The following PIEZO2 variants were observed in gnomAD, a reference collection of about 807,000 sequenced individuals.
PIEZO2 encodes the protein piezo-type mechanosensitive ion channel component 2.
Under a neutral mutation model 337.3 loss-of-function variants are expected in PIEZO2, and 172 were observed. That is an observed-to-expected ratio of 0.51 (90% confidence interval 0.45 to 0.58). PIEZO2 has a LOEUF of 0.58. Ranked by LOEUF, PIEZO2 falls within the 20% of genes least tolerant of loss-of-function variation. The pLI is 0.00. For synonymous variants in PIEZO2, 1,251 were observed against 1,228.5 expected (o/e 1.02, Z -0.38); for missense variants, 3,028 against 3,391.3 (o/e 0.89, Z 2.66).
At chr18:10,900,141 T>C (rs559092161) in intron 4 of PIEZO2, among the ~76,000 whole-genome samples, 1 of 151,744 alleles carries the variant, frequency 6.6e-6, no homozygotes, top group East Asian at 1.9e-4. Flanking sequence ...TAGGTAAAGC[T>C]CTCAACAGCC....
chr18:10,819,643 T>C lies in PIEZO2; in HGVS notation c.918-12369A>G, dbSNP rs2040465598. 6.6e-6 allele frequency among the ~76,000 whole-genome samples: 1 copy of C among 152,238 alleles called. No homozygotes were observed. The highest frequency in any genetic ancestry group is 1.5e-5 in the Non-Finnish European group (1 of 68,028). Reference sequence around the variant, plus strand: ...TCTCAATGTTGTTCTCAATGCATCATCGGTGTTCACCTTCATGCTTGTTCT... The same window carrying C: ...TCTCAATGTTGTTCTCAATGCATCACCGGTGTTCACCTTCATGCTTGTTCT... On this transcript the variant is annotated intron_variant, in intron 7 of 55. Coordinates refer to ENST00000674853, the MANE Select transcript of PIEZO2 (RefSeq NM_001378183.1). The surrounding 1 kb of genome is among the most constrained non-coding windows in gnomAD (Gnocchi z 4.3).
intron 3 of PIEZO2, among the ~76,000 whole-genome samples, chr18:10,938,015 C>T (rs533233794): frequency 6.6e-6 from 1 of 152,198 alleles, no homozygotes; most frequent in Non-Finnish European, 1.5e-5. Context: ...AATAAATCAT[C>T]TACATAGAAG....
chr18:11,052,082 A>AT (rs375942482), intron 2 of PIEZO2, among the ~76,000 whole-genome samples: 69 of 150,138 alleles, frequency 4.6e-4, no homozygotes, highest in Middle Eastern at 3.4e-3. Flanking sequence ...TAGCTTCATA[A>AT]TTTTTTTTTT....
chr18:10,941,313 G>A (rs1598725313), intron 3 of PIEZO2, among the ~76,000 whole-genome samples: 1 of 152,064 alleles, frequency 6.6e-6, no homozygotes, highest in African/African-American at 2.4e-5. Context: ...TGTAATATTA[G>A]ATAATAATAC....
chr18:11,127,786 CGT>C lies in PIEZO2; in HGVS notation c.64+20737_64+20738del, dbSNP rs1282180047. Among the ~76,000 whole-genome samples the C allele has an allele frequency of 4.0e-4, 36 of 89,622 alleles. No individual in the cohort carries two copies. The East Asian group carries it at 5.2e-3, about 13-fold the overall frequency. The allele number at this position is 89,622 out of a possible 152,430, so 58.8% of individuals were successfully genotyped here. On this transcript the variant is annotated intron_variant, in intron 1 of 55. Coordinates refer to ENST00000674853, the MANE Select transcript of PIEZO2 (RefSeq NM_001378183.1). This position sits in a 1 kb window ranked among gnomAD's most constrained non-coding sequence, Gnocchi z 4.5. ...GGTATATATGATATATATGCATATA[CGT>C]GTGTGTGTGTGTGCATGTGTGTGTG...
rs1995674 is a variant in PIEZO2, at chr18:10,894,976, C to G, written c.329+16210G>C. On this transcript the variant is annotated intron_variant, in intron 4 of 55. Transcript: ENST00000674853. This position sits in a 1 kb window ranked among gnomAD's most constrained non-coding sequence, Gnocchi z 4.1. Reference sequence around the variant, plus strand: ...TTAGATGTCTGCAGATCCCACAATCCCTCCCTCTCTTTCCTGAGATGAGAG... The same window carrying G: ...TTAGATGTCTGCAGATCCCACAATCGCTCCCTCTCTTTCCTGAGATGAGAG... Among the ~76,000 whole-genome samples, 2 of 152,178 alleles carry G rather than the reference C, an allele frequency of 1.3e-5. No individual in the cohort carries two copies. The highest frequency in any genetic ancestry group is 4.8e-5 in the African/African-American group (2 of 41,430).
chr18:10,692,697 G>C (rs1357397219), intron 47 of PIEZO2, among the ~76,000 whole-genome samples: 1 of 152,136 alleles, frequency 6.6e-6, no homozygotes, highest in African/African-American at 2.4e-5. Flanking sequence ...TCTATTTCTG[G>C]ACTCTCTGTT....
intron 2 of PIEZO2, among the ~76,000 whole-genome samples, chr18:11,022,506 T>C (rs1452823524): frequency 6.6e-6 from 1 of 152,178 alleles, no homozygotes; most frequent in Non-Finnish European, 1.5e-5. Flanking sequence ...TGGTTTCTCC[T>C]GGGGCCTCTC....
In PIEZO2 at chr18:10,774,022, G is replaced by C. The variant is rs1172173784; in HGVS notation, c.2551C>G (p.Pro851Ala). The C allele has an allele frequency of 1.4e-6, 1 of 703,048 alleles. No homozygotes were observed. Among genetic ancestry groups the C allele is most frequent in the Non-Finnish European group, 2.6e-6 (1 of 385,006 alleles). The allele number at this position is 703,048 out of a possible 1,614,324, so 43.6% of individuals were successfully genotyped here. A position where few individuals can be genotyped will look rare whatever the true frequency, so the allele number is the denominator to read the frequency against. ...LIINSIKKKL[P>A]IHQNELAHPE... ...GGGACTTACTCATTTTGGTGGATTGGTAATTTTTTCTTGATGCTGCTCATA... is the reference window on the plus strand; with the variant it reads ...GGGACTTACTCATTTTGGTGGATTGCTAATTTTTTCTTGATGCTGCTCATA... Residue 851 changes from proline to alanine, a missense_variant, in exon 19 of 56, where the codon CCA (proline) becomes GCA (alanine). Transcript: ENST00000674853.
At chr18:11,053,943 G>C (rs569198883) in intron 2 of PIEZO2, among the ~76,000 whole-genome samples, 19 of 152,270 alleles carry the variant, frequency 1.2e-4, no homozygotes, top group Admixed American at 1.3e-4. Flanking sequence ...AGAATCGCTT[G>C]CACCTGGGAG....
intron 1 of PIEZO2, among the ~76,000 whole-genome samples, chr18:11,084,068 TCG>T (rs1263906164): frequency 1.3e-5 from 2 of 150,508 alleles, no homozygotes; most frequent in Non-Finnish European, 2.9e-5. Flanking sequence ...TCCCAGTTAC[TCG>T]GGAGGCTGAG....
chr18:10,961,855 A>G (rs1418642263), intron 3 of PIEZO2, among the ~76,000 whole-genome samples: 2 of 152,178 alleles, frequency 1.3e-5, no homozygotes, highest in Admixed American at 1.3e-4. Context: ...TCTTATATCT[A>G]AGAGGAAACA....
In PIEZO2 at chr18:10,726,731, A is replaced by C; in HGVS notation, c.5029+4676T>G. The C allele has an allele frequency of 1.4e-6, 2 of 1,448,676 alleles. No homozygotes were observed. The highest frequency in any genetic ancestry group is 1.9e-6 in the Non-Finnish European group (2 of 1,034,446). The allele number at this position is 1,448,676 out of a possible 1,614,324, so 89.7% of individuals were successfully genotyped here. A position where few individuals can be genotyped will look rare whatever the true frequency, so the allele number is the denominator to read the frequency against. ...AACGGCATCCTGTGCATTCTGGGACATCGCCAGACCATCGATTTCCCGCTG... is the reference window on the plus strand; with the variant it reads ...AACGGCATCCTGTGCATTCTGGGACCTCGCCAGACCATCGATTTCCCGCTG... On this transcript the variant is annotated intron_variant, in intron 36 of 55. Transcript: ENST00000674853. This position sits in a 1 kb window ranked among gnomAD's most constrained non-coding sequence, Gnocchi z 5.9.
intron 30 of PIEZO2, among the ~76,000 whole-genome samples, chr18:10,747,373 G>T (rs951859412): frequency 6.6e-6 from 1 of 152,126 alleles, no homozygotes; most frequent in Non-Finnish European, 1.5e-5. Flanking sequence ...GGTTATATAA[G>T]GACCTCTACA....
intron 2 of PIEZO2, among the ~76,000 whole-genome samples, chr18:11,030,212 C>T (rs532211102): frequency 2.4e-3 from 371 of 152,282 alleles, no homozygotes; most frequent in Non-Finnish European, 4.3e-3. Context: ...AATAAACACT[C>T]GCTACTTATG....
intron 23 of PIEZO2, 68 bp downstream of exon 23, chr18:10,762,432 A>C: frequency 1.3e-6 from 2 of 1,496,252 alleles, no homozygotes; most frequent in Admixed American, 4.7e-5. Context: ...TAAGCGTCTC[A>C]TGGAAAAGAA....
chr18:10,933,913 G>A (rs986610216), intron 3 of PIEZO2, among the ~76,000 whole-genome samples: 2 of 152,206 alleles, frequency 1.3e-5, no homozygotes, highest in Admixed American at 1.3e-4. Flanking sequence ...CATGTAAGAC[G>A]TGTCTTGCTT....
At chr18:10,849,795 A>T (rs2041485798) in intron 7 of PIEZO2, among the ~76,000 whole-genome samples, 1 of 152,242 alleles carries the variant, frequency 6.6e-6, no homozygotes, top group South Asian at 2.1e-4. Context: ...GCATTAGCTG[A>T]GGCAAATTTT....
At chr18:11,091,762 T>C (rs530562974) in intron 1 of PIEZO2, among the ~76,000 whole-genome samples, 40 of 152,324 alleles carry the variant, frequency 2.6e-4, no homozygotes, top group Middle Eastern at 3.4e-3. Context: ...ATTGGAAATA[T>C]GTTCTCTGGG....
Sources: allele counts gnomAD v4.1 joint callset (sites outside exome capture counted in the v4.1 genomes callset), GRCh38; gene constraint gnomAD v4.1.1; non-coding constraint Gnocchi (gnomAD v3.1); transcripts MANE v1.5; gene names NCBI Gene and HGNC (gene_info 2026-07-23, HGNC 2026-07-21).